The following ATP10B variants were observed in gnomAD, a reference collection of about 807,000 sequenced individuals.
The protein encoded by ATP10B is ATPase phospholipid transporting 10B (putative).
ATP10B carries 122 observed loss-of-function variants against 141.2 expected under a neutral mutation model. The observed-to-expected ratio is 0.86, with a 90% CI of 0.75 to 1.00. The LOEUF (loss-of-function observed/expected upper bound fraction) is 1.00, where lower values mean the gene tolerates loss of function less well. Among genes scored for constraint, ATP10B ranks in the 50% least tolerant of loss-of-function variants. The probability of loss-of-function intolerance (pLI) is 0.00; values close to 1 mark genes in which losing one functional copy is unlikely to be tolerated. For missense variants in ATP10B, 1,876 were observed against 1,825.3 expected (o/e 1.03, Z -0.51); for synonymous variants, 685 against 692.0 (o/e 0.99, Z 0.16).
At chr5:160,600,636 T>C (rs1757050498) in intron 21 of ATP10B, among the ~76,000 whole-genome samples, 1 of 152,204 alleles carries the variant, frequency 6.6e-6, no homozygotes, top group Non-Finnish European at 1.5e-5. Flanking sequence ...AGAGTGCTTC[T>C]TGCCTCCTGA....
intron 1 of ATP10B, among the ~76,000 whole-genome samples, chr5:160,835,644 ACTTTTC>A (rs1344548511): frequency 3.9e-5 from 6 of 152,054 alleles, no homozygotes; most frequent in African/African-American, 1.4e-4. Context: ...AACCAAAGAG[ACTTTTC>A]CTTTTCCTGA....
chr5:160,820,694 T>A (rs1383923116), intron 1 of ATP10B, among the ~76,000 whole-genome samples: 1 of 152,142 alleles, frequency 6.6e-6, no homozygotes, highest in East Asian at 1.9e-4. Context: ...TCATTCATCA[T>A]GACCAAGTGA....
chr5:160,868,521 T>TACACACACACAC, the ATP10B span, among the ~76,000 whole-genome samples: 582 of 130,386 alleles, frequency 4.5e-3, 6 homozygotes, highest in East Asian at 0.012. Flanking sequence ...TATGAACAGA[T>TACACACACACAC]ACACACACAC....
intron 2 of ATP10B, among the ~76,000 whole-genome samples, chr5:160,717,271 ATC>A (rs1349537352): frequency 6.6e-6 from 1 of 152,214 alleles, no homozygotes; most frequent in Non-Finnish European, 1.5e-5. Context: ...CTTCAACTAT[ATC>A]TCTAAATTTT....
chr5:160,866,088 A>T, the ATP10B span, among the ~76,000 whole-genome samples: 1 of 152,172 alleles, frequency 6.6e-6, no homozygotes, highest in African/African-American at 2.4e-5. Context: ...AAAAGAAGTC[A>T]TTATATGAAA....
the ATP10B span, among the ~76,000 whole-genome samples, chr5:160,908,016 C>T: frequency 6.6e-6 from 1 of 152,110 alleles, no homozygotes; most frequent in African/African-American, 2.4e-5. Flanking sequence ...TTAAACAGGA[C>T]TATGACACAG....
At chr5:160,770,068 A>G (rs1769770727) in intron 2 of ATP10B, among the ~76,000 whole-genome samples, 1 of 152,148 alleles carries the variant, frequency 6.6e-6, no homozygotes. Flanking sequence ...AAAGTTTATA[A>G]TCACTTAAGA....
In ATP10B at chr5:160,574,801, C is replaced by CTTTTT. The variant is rs35450287; in HGVS notation, c.3751-5123_3751-5119dup. 2.3e-3 allele frequency among the ~76,000 whole-genome samples: 319 copies of CTTTTT among 140,898 alleles called. 6 individuals carry two copies. Among genetic ancestry groups the CTTTTT allele is most frequent in the African/African-American group, 7.3e-3 (277 of 37,904 alleles). The allele number at this position is 140,898 out of a possible 152,430, so 92.4% of individuals were successfully genotyped here. On this transcript the variant is annotated intron_variant, in intron 24 of 25. Coordinates refer to ENST00000327245, the MANE Select transcript of ATP10B (RefSeq NM_025153.3). ...TGCCTTGTGAGGACACAGCATTCAT[C>CTTTTT]TTTTTTTTTTTTTTGTGCCCTTCCC...
intron 15 of ATP10B, among the ~76,000 whole-genome samples, chr5:160,619,811 G>GTAAAA (rs1758222048): frequency 6.6e-6 from 1 of 152,202 alleles, no homozygotes; most frequent in Admixed American, 6.5e-5. Context: ...GGATAATAAA[G>GTAAAA]AGGAACACCT....
At chr5:160,817,097 C>G (rs1773692837) in intron 1 of ATP10B, among the ~76,000 whole-genome samples, 1 of 152,156 alleles carries the variant, frequency 6.6e-6, no homozygotes, top group Non-Finnish European at 1.5e-5. Context: ...TGGCACAAGA[C>G]AGGGATGCCC....
chr5:160,706,466 G>A (rs1221669644), intron 3 of ATP10B, among the ~76,000 whole-genome samples: 1 of 152,274 alleles, frequency 6.6e-6, no homozygotes. Flanking sequence ...AAGGTTGCAA[G>A]AATAGTCAGT....
chr5:160,796,963 G>T (rs975372735), intron 1 of ATP10B, among the ~76,000 whole-genome samples: 2 of 152,172 alleles, frequency 1.3e-5, no homozygotes, highest in African/African-American at 4.8e-5. Flanking sequence ...CTTAGGGTGG[G>T]AACTGTAGGG....
intron 1 of ATP10B, among the ~76,000 whole-genome samples, chr5:160,810,154 T>C (rs1216696435): frequency 6.6e-6 from 1 of 152,120 alleles, no homozygotes; most frequent in Non-Finnish European, 1.5e-5. Flanking sequence ...TTTCCTCTAG[T>C]TCATTAGTTT....
chr5:160,670,448 TAGAA>T lies in ATP10B; in HGVS notation c.675+11_675+14del. The T allele has an allele frequency of 1.2e-6, 2 of 1,613,504 alleles. No homozygotes were observed. Among genetic ancestry groups the T allele is most frequent in the Non-Finnish European group, 1.7e-6 (2 of 1,179,600 alleles). ...TCTATGACTTTACCATTGAAGATAT[TAGAA>T]AGAGCCCTACCTGCTGTGAGAAGCC... On this transcript the variant is annotated intron_variant, in intron 7 of 25. Transcript: ENST00000327245.
At chr5:160,686,341 T>A in intron 5 of ATP10B, 68 bp from the exon 6 acceptor site, 5 of 1,234,600 alleles carry the variant, frequency 4.0e-6, no homozygotes, top group Non-Finnish European at 5.5e-6. Flanking sequence ...CCCCATTTCT[T>A]CCCTACTGTT....
At chr5:160,608,700 ATG>A (rs1272177217) in intron 18 of ATP10B, among the ~76,000 whole-genome samples, 1 of 152,014 alleles carries the variant, frequency 6.6e-6, no homozygotes, top group African/African-American at 2.4e-5. Flanking sequence ...GCATTTTTTC[ATG>A]TGTTTGTTGG....
chr5:160,684,759 A>C, intron 6 of ATP10B: 1 of 614,988 alleles, frequency 1.6e-6, no homozygotes, highest in Non-Finnish European at 2.9e-6. Context: ...TCCCTTCTAC[A>C]AACAGTAACT....
the ATP10B span, among the ~76,000 whole-genome samples, chr5:160,896,926 A>G: frequency 6.6e-6 from 1 of 152,214 alleles, no homozygotes; most frequent in Non-Finnish European, 1.5e-5. Context: ...ACATAAACAG[A>G]ACCAATGACA....
the ATP10B span, among the ~76,000 whole-genome samples, chr5:160,904,683 G>A: frequency 1.3e-5 from 2 of 152,222 alleles, no homozygotes; most frequent in Non-Finnish European, 2.9e-5. Context: ...TATCTATAAT[G>A]TTCTGAAGAG....
Sources: allele counts gnomAD v4.1 joint callset (sites outside exome capture counted in the v4.1 genomes callset), GRCh38; gene constraint gnomAD v4.1.1; transcripts MANE v1.5; gene names NCBI Gene and HGNC (gene_info 2026-07-23, HGNC 2026-07-21).